NCOA3: variants seen among roughly 807,000 people sequenced by gnomAD.
The protein encoded by NCOA3 is CBP-interacting protein.
NCOA3 carries 51 observed loss-of-function variants against 158.8 expected under a neutral mutation model. The ratio of observed to expected loss-of-function variants is 0.32; its 90% CI spans 0.26 to 0.41. NCOA3 has a LOEUF of 0.41. NCOA3 is among the 10% of genes least tolerant of loss of function. The pLI is 1.00. For synonymous variants in NCOA3, 537 were observed against 592.4 expected (o/e 0.91, Z 1.36); for missense variants, 1,510 against 1,746.6 (o/e 0.86, Z 2.41).
In NCOA3 at chr20:47,646,846, GGTT is replaced by G. The variant is rs529045839; in HGVS notation, c.3253-223_3253-221del. On this transcript the variant is annotated intron_variant, in intron 17 of 22. Coordinates refer to ENST00000371998, the MANE Select transcript of NCOA3 (RefSeq NM_181659.3). ...ACCTGGTTCTTGTCTTAGCACAGCAGGTTGTTCTCTTCTTCAGAATATCAACTT... is the reference window on the plus strand; with the variant it reads ...ACCTGGTTCTTGTCTTAGCACAGCAGGTTCTCTTCTTCAGAATATCAACTT... Among the ~76,000 whole-genome samples the G allele has an allele frequency of 8.1e-4, 124 of 152,268 alleles. 1 individual carries two copies. Among genetic ancestry groups the G allele is most frequent in the Admixed American group, 6.0e-3 (92 of 15,302 alleles).
intron 1 of NCOA3, among the ~76,000 whole-genome samples, chr20:47,551,515 CAG>C (rs1478650915): frequency 6.6e-6 from 1 of 152,142 alleles, no homozygotes; most frequent in East Asian, 1.9e-4. Context: ...TTTTTATAAA[CAG>C]AATTACAAAT....
chr20:47,531,368 A>AAAG (rs2084544068), intron 1 of NCOA3, among the ~76,000 whole-genome samples: 1 of 129,588 alleles, frequency 7.7e-6, no homozygotes, highest in Admixed American at 7.9e-5. Flanking sequence ...AACAAACAAA[A>AAAG]AGAAATTGGG....
At chr20:47,505,650 A>G (rs375687589) in intron 1 of NCOA3, among the ~76,000 whole-genome samples, 18 of 152,248 alleles carry the variant, frequency 1.2e-4, no homozygotes, top group African/African-American at 4.1e-4. Context: ...AAGCTCTGAG[A>G]GCAGAAAATT....
intron 1 of NCOA3, among the ~76,000 whole-genome samples, chr20:47,564,232 C>T (rs1178440208): frequency 1.3e-5 from 2 of 151,592 alleles, no homozygotes; most frequent in Non-Finnish European, 2.9e-5. Context: ...AAACATTGTT[C>T]TCACACATTA....
intron 1 of NCOA3, among the ~76,000 whole-genome samples, chr20:47,542,936 G>T (rs192996778): frequency 1.3e-4 from 20 of 152,310 alleles, no homozygotes; most frequent in Middle Eastern, 3.4e-3. Flanking sequence ...CTGTACTCCA[G>T]TCTGGGTGAC....
chr20:47,534,912 C>T (rs1201067544), intron 1 of NCOA3, among the ~76,000 whole-genome samples: 1 of 151,428 alleles, frequency 6.6e-6, no homozygotes, highest in Non-Finnish European at 1.5e-5. Context: ...GAGACTCCAT[C>T]TCTCTCTTTT....
At chr20:47,564,475 T>C (rs1195254398) in intron 1 of NCOA3, among the ~76,000 whole-genome samples, 1 of 152,100 alleles carries the variant, frequency 6.6e-6, no homozygotes, top group African/African-American at 2.4e-5. Flanking sequence ...AACTGAAATC[T>C]CTCACCTCAA....
At chr20:47,628,283 G>C (rs1467939350) in intron 8 of NCOA3, 1 of 323,224 alleles carries the variant, frequency 3.1e-6, no homozygotes. Flanking sequence ...AGGGGCACCT[G>C]GTTTTCTCTC....
intron 1 of NCOA3, among the ~76,000 whole-genome samples, chr20:47,517,832 T>C (rs1264138028): frequency 6.6e-6 from 1 of 152,092 alleles, no homozygotes; most frequent in East Asian, 1.9e-4. Flanking sequence ...GCACAATTCT[T>C]TGAAAAACAG....
At chr20:47,585,046 CTTTTTTTTTTTTT>C (rs11473989) in intron 2 of NCOA3, among the ~76,000 whole-genome samples, 26 of 91,318 alleles carry the variant, frequency 2.8e-4, no homozygotes, top group African/African-American at 1.3e-3. Flanking sequence ...CCTTTCTTAA[CTTTTTTTTTTTTT>C]TTTTTTTTTT....
intron 1 of NCOA3, among the ~76,000 whole-genome samples, chr20:47,563,169 T>G (rs2085135149): frequency 6.6e-6 from 1 of 152,264 alleles, no homozygotes. Flanking sequence ...ACGAATTATT[T>G]TCCTAATCTA....
intron 2 of NCOA3, among the ~76,000 whole-genome samples, chr20:47,619,988 G>T (rs1438783505): frequency 1.3e-5 from 2 of 152,016 alleles, no homozygotes; most frequent in African/African-American, 4.8e-5. Flanking sequence ...TAGAGACAGG[G>T]TTTCACCATA....
At chr20:47,570,953 C>T (rs1208646824) in intron 1 of NCOA3, among the ~76,000 whole-genome samples, 20 of 138,190 alleles carry the variant, frequency 1.4e-4, no homozygotes, top group African/African-American at 1.1e-4. Flanking sequence ...CACACACACA[C>T]ACACACACAC....
chr20:47,633,443 G>A, intron 8 of NCOA3, 53 bp from the exon 9 acceptor site: 1 of 1,530,170 alleles, frequency 6.5e-7, no homozygotes, highest in East Asian at 2.3e-5. Context: ...TAGGCAGCCA[G>A]TAAATACTTG....
chr20:47,630,868 T>C (rs1175451137), intron 8 of NCOA3: 1 of 154,368 alleles, frequency 6.5e-6, no homozygotes, highest in African/African-American at 2.4e-5. Context: ...TCCATCATCA[T>C]TGGGATTTGG....
chr20:47,536,682 A>G (rs2084638901), intron 1 of NCOA3, among the ~76,000 whole-genome samples: 1 of 152,024 alleles, frequency 6.6e-6, no homozygotes, highest in Admixed American at 6.6e-5. Context: ...AATAGAGATG[A>G]GTCTCACTTT....
intron 2 of NCOA3, among the ~76,000 whole-genome samples, chr20:47,593,382 G>T (rs371273799): frequency 5.5e-5 from 6 of 109,678 alleles, no homozygotes; most frequent in Non-Finnish European, 9.9e-5. Context: ...TCGCTCTGTT[G>T]CCCAGGCTGG....
intron 1 of NCOA3, among the ~76,000 whole-genome samples, chr20:47,523,237 CATT>C (rs1436850046): frequency 6.6e-6 from 1 of 152,166 alleles, no homozygotes; most frequent in Non-Finnish European, 1.5e-5. Flanking sequence ...TTTCCTATAA[CATT>C]ATCCCCTGTG....
chr20:47,561,335 C>T (rs1328598840), intron 1 of NCOA3, among the ~76,000 whole-genome samples: 11 of 135,356 alleles, frequency 8.1e-5, no homozygotes, highest in African/African-American at 3.1e-4. Flanking sequence ...CGGTCTCGAT[C>T]TGTTGCCCAG....
Sources: gnomAD v4.1 joint callset for allele counts (sites outside exome capture counted in the v4.1 genomes callset) on GRCh38, gnomAD v4.1.1 for gene constraint, MANE v1.5 for transcripts, NCBI Gene and HGNC (gene_info 2026-07-23, HGNC 2026-07-21) for gene names.